Variants in TGM3 observed in about 807,000 individuals in gnomAD.
TGM3 encodes transglutaminase 3, also known as protein-glutamine gamma-glutamyltransferase E.
TGM3 carries 52 observed loss-of-function variants against 73.8 expected under a neutral mutation model. That is an observed-to-expected ratio of 0.70 (90% CI 0.56 to 0.89). The LOEUF (loss-of-function observed/expected upper bound fraction) is 0.89, where lower values mean the gene tolerates loss of function less well. Ranked by LOEUF, TGM3 falls within the 40% of genes least tolerant of loss-of-function variation. The probability of loss-of-function intolerance (pLI) is 0.00; values close to 1 mark genes in which losing one functional copy is unlikely to be tolerated. For synonymous variants in TGM3, 372 were observed against 354.9 expected (o/e 1.05, Z -0.54); for missense variants, 928 against 909.9 (o/e 1.02, Z -0.26).
At chr20:2,318,303 G>T (rs1047516479) in intron 7 of TGM3, among the ~76,000 whole-genome samples, 1 of 152,162 alleles carries the variant, frequency 6.6e-6, no homozygotes, top group Non-Finnish European at 1.5e-5. Flanking sequence ...ACAGGCGTAA[G>T]CCACTGCACC....
At chr20:2,313,684 A>C (rs138351971) in intron 5 of TGM3, among the ~76,000 whole-genome samples, 1 of 152,050 alleles carries the variant, frequency 6.6e-6, no homozygotes, top group South Asian at 2.1e-4. Flanking sequence ...CACACACACG[A>C]GCTAGATCCC....
At chr20:2,308,893 T>C (rs975715245) in intron 1 of TGM3, among the ~76,000 whole-genome samples, 6 of 151,474 alleles carry the variant, frequency 4.0e-5, no homozygotes, top group Non-Finnish European at 8.8e-5. Context: ...TTTTTTTTTT[T>C]TGAGACAGAG....
intron 1 of TGM3, among the ~76,000 whole-genome samples, chr20:2,297,243 C>T (rs956234933): frequency 2.6e-5 from 4 of 152,198 alleles, no homozygotes; most frequent in Non-Finnish European, 5.9e-5. Flanking sequence ...GCCCTTTCCA[C>T]CATGTCCTGC....
At chr20:2,327,049 T>C (rs764467012) in intron 8 of TGM3, among the ~76,000 whole-genome samples, 3 of 152,170 alleles carry the variant, frequency 2.0e-5, no homozygotes, top group Non-Finnish European at 4.4e-5. Context: ...TCCAAAAGTT[T>C]CATTGCAACC....
In TGM3 at chr20:2,339,859, G is replaced by A. The variant is rs753749322; in HGVS notation, c.1806G>A (p.Leu602=). Residue 602 remains leucine, a synonymous_variant, in exon 12 of 13, where the codon CTG becomes CTA. Transcript: ENST00000381458. ...GCAGCCCCTCTCCCCCATAGGTGCTGAACGAGGCTCGTGTGCGGAAGCCTG... is the reference window on the plus strand; with the variant it reads ...GCAGCCCCTCTCCCCCATAGGTGCTAAACGAGGCTCGTGTGCGGAAGCCTG... ...LDNPTLTLEV[L]NEARVRKPVN... The A allele has an allele frequency of 6.2e-7, 1 of 1,614,062 alleles. No homozygotes were observed. The highest frequency in any genetic ancestry group is 1.3e-5 in the African/African-American group (1 of 75,060).
intron 7 of TGM3, among the ~76,000 whole-genome samples, chr20:2,321,237 G>T (rs1212353449): frequency 1.3e-5 from 2 of 152,202 alleles, no homozygotes. Context: ...CTGGAGGAGG[G>T]TTTTTGTTTG....
chr20:2,333,237 G>A (rs186906687), intron 10 of TGM3, among the ~76,000 whole-genome samples: 9 of 152,306 alleles, frequency 5.9e-5, no homozygotes, highest in Non-Finnish European at 1.0e-4. Context: ...GAGAAACTGA[G>A]AGGTGTCACA....
intron 1 of TGM3, among the ~76,000 whole-genome samples, chr20:2,298,992 C>A (rs551401582): frequency 6.6e-6 from 1 of 152,140 alleles, no homozygotes; most frequent in African/African-American, 2.4e-5. Context: ...TTCATTCCAC[C>A]GGGAATGACA....
At chr20:2,302,920 T>C (rs1478435902) in intron 1 of TGM3, among the ~76,000 whole-genome samples, 1 of 152,112 alleles carries the variant, frequency 6.6e-6, no homozygotes, top group African/African-American at 2.4e-5. Context: ...TCCTCCAACA[T>C]GACCGAACCT....
At chr20:2,326,513 G>A (rs2084288926) in intron 8 of TGM3, among the ~76,000 whole-genome samples, 1 of 152,176 alleles carries the variant, frequency 6.6e-6, no homozygotes, top group Non-Finnish European at 1.5e-5. Flanking sequence ...AGCATGACTT[G>A]TCTGTTACCC....
chr20:2,300,553 C>T (rs1043936701), intron 1 of TGM3, among the ~76,000 whole-genome samples: 17 of 152,270 alleles, frequency 1.1e-4, no homozygotes, highest in African/African-American at 1.9e-4. Flanking sequence ...GGCTACAGGG[C>T]GGCAGCTTGG....
intron 5 of TGM3, among the ~76,000 whole-genome samples, chr20:2,316,658 G>C (rs770227463): frequency 4.6e-5 from 7 of 151,546 alleles, no homozygotes; most frequent in African/African-American, 7.3e-5. Context: ...CACCAAAAAA[G>C]AGTTTCAAAC....
rs45603231 is a variant in TGM3 at position 2,328,369 on chromosome 20, G to A, written c.1333+4G>A. 9.2e-5 allele frequency: 148 copies of A among 1,613,818 alleles called. No individual in the cohort carries two copies. The highest frequency in any genetic ancestry group is 1.2e-4 in the Non-Finnish European group (138 of 1,179,878). On this transcript the variant is annotated splice_donor_region_variant and intron_variant, in intron 9 of 12. Coordinates refer to ENST00000381458, the MANE Select transcript of TGM3 (RefSeq NM_003245.4). The surrounding 1 kb of genome is among the most constrained non-coding windows in gnomAD (Gnocchi z 5.2). ...GACAAGTACAAGTACCCAGAAGGTA[G>A]GAGGGACGCTGGCGGGGCAGTGCCG...
chr20:2,335,076 C>T, intron 10 of TGM3, 40 bp from the exon 11 acceptor site: 2 of 1,611,892 alleles, frequency 1.2e-6, no homozygotes, highest in Non-Finnish European at 1.7e-6. Context: ...GAAGCCATCC[C>T]CACTCCCCCT....
chr20:2,329,824 A>G (rs1249181809), intron 9 of TGM3, among the ~76,000 whole-genome samples: 2 of 152,230 alleles, frequency 1.3e-5, no homozygotes, highest in African/African-American at 4.8e-5. Flanking sequence ...TGCCAAGTGC[A>G]ATGCCTGGCA....
At chr20:2,300,059 A>G (rs1273356421) in intron 1 of TGM3, among the ~76,000 whole-genome samples, 4 of 151,596 alleles carry the variant, frequency 2.6e-5, no homozygotes, top group East Asian at 1.9e-4. Context: ...GTGAGCTGAG[A>G]TCACACCACT....
Position 2,334,332 on chromosome 20 carries a change from A to G in TGM3, c.1643-784A>G, listed in dbSNP as rs1285806487. Reference sequence around the variant, plus strand: ...CTGAACTTTATCTAAGGCAATGAGGAGCCACGGAAGATTTTTGAAGTCACA... The same window carrying G: ...CTGAACTTTATCTAAGGCAATGAGGGGCCACGGAAGATTTTTGAAGTCACA... On this transcript the variant is annotated intron_variant, in intron 10 of 12. Transcript: ENST00000381458. This position sits in a 1 kb window ranked among gnomAD's most constrained non-coding sequence, Gnocchi z 4.0. Among the ~76,000 whole-genome samples, 1 of 152,162 alleles carries G rather than the reference A, an allele frequency of 6.6e-6. No homozygotes were observed. The highest frequency in any genetic ancestry group is 1.9e-4 in the East Asian group (1 of 5,186).
intron 12 of TGM3, 43 bp downstream of exon 12, chr20:2,340,030 G>T: frequency 1.3e-6 from 2 of 1,517,082 alleles, no homozygotes; most frequent in Non-Finnish European, 1.8e-6. Context: ...GGGCGGGAGG[G>T]GGCGGGGGGG....
intron 11 of TGM3, among the ~76,000 whole-genome samples, chr20:2,339,362 C>T (rs1292898822): frequency 5.9e-5 from 9 of 152,214 alleles, no homozygotes; most frequent in African/African-American, 2.2e-4. Flanking sequence ...AGTGGCTGGG[C>T]ACAGTGACTT....
Sources: allele counts gnomAD v4.1 joint callset (sites outside exome capture counted in the v4.1 genomes callset), GRCh38; gene constraint gnomAD v4.1.1; non-coding constraint Gnocchi (gnomAD v3.1); transcripts MANE v1.5; gene names NCBI Gene and HGNC (gene_info 2026-07-23, HGNC 2026-07-21).